The following KATNIP variants were observed in gnomAD, a reference collection of about 807,000 sequenced individuals.
The protein encoded by KATNIP is katanin interacting protein.
In KATNIP, 126 loss-of-function variants were observed where a neutral mutation model predicts 174.0. That is an observed-to-expected ratio of 0.72 (90% confidence interval 0.63 to 0.84). The LOEUF (loss-of-function observed/expected upper bound fraction) is 0.84, where lower values mean the gene tolerates loss of function less well. KATNIP is among the 40% of genes least tolerant of loss of function. The probability of loss-of-function intolerance (pLI) is 0.00; values close to 1 mark genes in which losing one functional copy is unlikely to be tolerated. For synonymous variants in KATNIP, 810 were observed against 835.7 expected (o/e 0.97, Z 0.53); for missense variants, 1,958 against 2,109.7 (o/e 0.93, Z 1.41).
Position 27,778,645 on chromosome 16 carries a change from G to A in KATNIP, c.*16G>A, listed in dbSNP as rs2082592592. ...GCGCTGCTGACTGGTGAAGGAGGGAGAGCTGGTCCTCCCACTATGGTGGGC... is the reference window on the plus strand; with the variant it reads ...GCGCTGCTGACTGGTGAAGGAGGGAAAGCTGGTCCTCCCACTATGGTGGGC... On this transcript the variant is annotated 3_prime_UTR_variant, in exon 28 of 28. Coordinates refer to ENST00000261588, the MANE Select transcript of KATNIP (RefSeq NM_015202.5). 3.7e-6 allele frequency: 6 copies of A among 1,612,382 alleles called. No individual in the cohort carries two copies. The highest frequency in any genetic ancestry group is 2.7e-5 in the African/African-American group (2 of 74,904).
chr16:27,703,056 A>T (rs2079158288), intron 11 of KATNIP, among the ~76,000 whole-genome samples: 1 of 152,100 alleles, frequency 6.6e-6, no homozygotes, highest in South Asian at 2.1e-4. Context: ...AATCCCTGCT[A>T]CTCAGGAAGC....
At chr16:27,630,917 T>C in intron 4 of KATNIP, 148 bp from the exon 5 acceptor site, 1 of 621,088 alleles carries the variant, frequency 1.6e-6, no homozygotes, top group Admixed American at 2.7e-5. Flanking sequence ...TGATGTCTTG[T>C]TGCCACAACC....
chr16:27,636,934 T>C (rs1385208407), intron 5 of KATNIP, among the ~76,000 whole-genome samples: 1 of 152,246 alleles, frequency 6.6e-6, no homozygotes, highest in Non-Finnish European at 1.5e-5. Context: ...TCCAGAGGAA[T>C]GGCTAAGAGC....
At chr16:27,563,891 T>TAA (rs58505514) in intron 1 of KATNIP, among the ~76,000 whole-genome samples, 1,109 of 66,700 alleles carry the variant, frequency 0.017, 145 homozygotes, top group African/African-American at 0.041. Flanking sequence ...TCTAGTAAAT[T>TAA]AAAAAAAAAA....
rs545674185 is a variant in KATNIP at position 27,767,762 on chromosome 16, G to C, written c.3975+1288G>C. Among the ~76,000 whole-genome samples, 4 of 152,272 alleles carry C rather than the reference G, an allele frequency of 2.6e-5. No individual in the cohort carries two copies. In the East Asian group the frequency reaches 7.7e-4, roughly 29 times the overall value. ...TGTGTCACATCTTACAGCAGGATCG[G>C]CAGCCCCTGGCCCTCCCCGTGTAGC... On this transcript the variant is annotated intron_variant, in intron 20 of 27. Coordinates refer to ENST00000261588, the MANE Select transcript of KATNIP (RefSeq NM_015202.5).
intron 15 of KATNIP, among the ~76,000 whole-genome samples, chr16:27,747,350 G>T (rs2081329609): frequency 6.6e-6 from 1 of 152,260 alleles, no homozygotes; most frequent in Admixed American, 6.5e-5. Context: ...TTAGGGAATT[G>T]TAGGAGTCTT....
intron 2 of KATNIP, among the ~76,000 whole-genome samples, chr16:27,577,069 G>A (rs1041904503): frequency 1.3e-5 from 2 of 152,122 alleles, no homozygotes; most frequent in African/African-American, 4.8e-5. Flanking sequence ...AACTCACCAG[G>A]CCAAATTCAG....
intron 13 of KATNIP, among the ~76,000 whole-genome samples, chr16:27,711,770 T>C (rs2143003707): frequency 6.6e-6 from 1 of 152,356 alleles, no homozygotes; most frequent in East Asian, 1.9e-4. Flanking sequence ...GCTAGATAGC[T>C]AAGAAGCAAC....
At chr16:27,650,151 C>T (rs1390946891) in intron 6 of KATNIP, among the ~76,000 whole-genome samples, 1 of 145,994 alleles carries the variant, frequency 6.8e-6, no homozygotes, top group Admixed American at 7.1e-5. Context: ...CCAGCCTGGG[C>T]GACAGAGTGA....
intron 1 of KATNIP, among the ~76,000 whole-genome samples, chr16:27,565,060 G>A (rs560926394): frequency 1.5e-4 from 23 of 151,006 alleles, no homozygotes; most frequent in Middle Eastern, 3.4e-3. Flanking sequence ...CACCACGCCC[G>A]GCCCTACCTG....
intron 6 of KATNIP, among the ~76,000 whole-genome samples, chr16:27,673,906 C>G (rs150727365): frequency 7.9e-5 from 12 of 152,218 alleles, no homozygotes; most frequent in African/African-American, 2.2e-4. Flanking sequence ...CAGCCACCAC[C>G]CAGTCATCAA....
chr16:27,728,684 C>A (rs1381068540), intron 14 of KATNIP, among the ~76,000 whole-genome samples: 1 of 152,198 alleles, frequency 6.6e-6, no homozygotes, highest in Non-Finnish European at 1.5e-5. Context: ...CTTGCCTCAG[C>A]CTCCCAAAGT....
intron 2 of KATNIP, among the ~76,000 whole-genome samples, chr16:27,605,769 T>A (rs1206394589): frequency 2.0e-5 from 3 of 152,168 alleles, no homozygotes; most frequent in African/African-American, 7.2e-5. Context: ...GATGGGTGCA[T>A]TGACTGCAGA....
intron 18 of KATNIP, among the ~76,000 whole-genome samples, chr16:27,758,969 G>T (rs1319336329): frequency 6.6e-6 from 1 of 152,154 alleles, no homozygotes; most frequent in African/African-American, 2.4e-5. Flanking sequence ...AATAGGTTCT[G>T]GTACACAGTA....
intron 18 of KATNIP, among the ~76,000 whole-genome samples, chr16:27,758,367 C>T (rs923510736): frequency 6.6e-6 from 1 of 152,162 alleles, no homozygotes; most frequent in African/African-American, 2.4e-5. Flanking sequence ...GAAACAGATC[C>T]TGTATCTGTC....
intron 2 of KATNIP, among the ~76,000 whole-genome samples, chr16:27,586,921 T>C (rs903418406): frequency 1.0e-4 from 15 of 150,114 alleles, no homozygotes; most frequent in Middle Eastern, 3.5e-3. Flanking sequence ...TCTTCTTCTT[T>C]TTTTTTTTTT....
At chr16:27,589,135 G>A (rs1202498355) in intron 2 of KATNIP, among the ~76,000 whole-genome samples, 4 of 150,478 alleles carry the variant, frequency 2.7e-5, no homozygotes, top group East Asian at 1.9e-4. Context: ...CAAACTCCCC[G>A]CCTCAAGTGA....
In KATNIP at chr16:27,695,288, G is replaced by A. The variant is rs186530308; in HGVS notation, c.941-3040G>A. Among the ~76,000 whole-genome samples the A allele has an allele frequency of 1.2e-3, 183 of 152,218 alleles. 1 individual carries two copies. Among genetic ancestry groups the A allele is most frequent in the Admixed American group, 4.4e-3 (68 of 15,290 alleles). ...ATTCCTCAGTGGCTCCCCATTTCCC[G>A]CAGAGCATGGGCCCTACAGTGCCCT... On this transcript the variant is annotated intron_variant, in intron 8 of 27. Transcript: ENST00000261588.
In KATNIP at chr16:27,703,986, A is replaced by G. The variant is rs1171510573; in HGVS notation, c.1377A>G (p.Val459=). 2 of 1,613,866 alleles carry G rather than the reference A, an allele frequency of 1.2e-6. No homozygotes were observed. The highest frequency in any genetic ancestry group is 1.7e-6 in the Non-Finnish European group (2 of 1,179,834). The part of the protein sequence containing the change: ...GRVVSPTKEQ[V]SDTEDKQRMR... ...TGGTTTCACCAACCAAGGAGCAAGT[A>G]TCAGACACAGAGGTGAGAGCCTTGA... is the stretch of plus-strand genomic sequence containing the variant. Residue 459 remains valine, a synonymous_variant, in exon 12 of 28, where the codon GTA becomes GTG. Transcript: ENST00000261588.
Sources: gnomAD v4.1 joint callset for allele counts (sites outside exome capture counted in the v4.1 genomes callset) on GRCh38, gnomAD v4.1.1 for gene constraint, MANE v1.5 for transcripts, NCBI Gene and HGNC (gene_info 2026-07-23, HGNC 2026-07-21) for gene names.